TTC32: variants seen among roughly 807,000 people sequenced by gnomAD.
TTC32 encodes the protein tetratricopeptide repeat protein 32.
A neutral mutation model predicts 15.3 loss-of-function variants in TTC32; 16 were observed. The observed-to-expected ratio is 1.05, with a 90% confidence interval of 0.71 to 1.59. The LOEUF is 1.59. Among genes scored for constraint, TTC32 ranks in the 40% most tolerant of loss-of-function variants. The pLI is 0.00. For missense variants in TTC32, 188 were observed against 181.9 expected (o/e 1.03, Z -0.19); for synonymous variants, 89 against 67.8 (o/e 1.31, Z -1.53).
In TTC32 at chr2:19,901,933, C is replaced by G. The variant is rs1669615343; in HGVS notation, c.-79G>C. On this transcript the variant is annotated 5_prime_UTR_variant, in exon 1 of 3. Transcript: ENST00000333610. ...AGAGGTGGCACCACAAAGCCACTTC[C>G]ACACCCTGGAATCTACCTTGACAGC... 1 of 1,557,824 alleles carries G rather than the reference C, an allele frequency of 6.4e-7. No homozygotes were observed. The highest frequency in any genetic ancestry group is 1.7e-5 in the Admixed American group (1 of 57,974).
At chr2:19,901,674 G>A (rs761597976) in intron 1 of TTC32, 32 bp downstream of exon 1, 2 of 1,599,400 alleles carry the variant, frequency 1.3e-6, no homozygotes, top group Non-Finnish European at 1.7e-6. Context: ...TCCACCCGGG[G>A]TCGCCGCGGC....
Position 19,897,930 on chromosome 2 carries a change from T to C in TTC32, c.255A>G (p.Ile85Met), listed in dbSNP as rs768878317. Residue 85 changes from isoleucine to methionine, a missense_variant, in exon 2 of 3, where the codon ATA (isoleucine) becomes ATG (methionine). Physicochemically the swap from Ile to Met is conservative, Grantham distance 10 (BLOSUM62 1). Transcript: ENST00000333610. ...YEAMDDYTSA[I>M]EVQPNFEVPY... The stretch of plus-strand genomic sequence containing the variant: ...GAACTTCAAAATTGGGTTGGACTTC[T>C]ATGGCAGATGTGTAGTCATCCATGG... 13 of 1,612,804 alleles carry C rather than the reference T, an allele frequency of 8.1e-6. No homozygotes were observed. The Admixed American group carries it at 1.8e-4, about 23-fold the overall frequency.
rs112995018 is a variant in TTC32, at chr2:19,901,446, A to T, written c.149+260T>A. 2,053 of 363,870 alleles carry T rather than the reference A, an allele frequency of 5.6e-3. 35 individuals carry two copies. In the African/African-American group the frequency reaches 0.083, roughly 15 times the overall value. 22.5% of individuals were successfully genotyped at this position (363,870 alleles called of 1,614,324 possible). The stretch of plus-strand genomic sequence containing the variant: ...CGGCCCGCGCCCGAGGATCGCGCAG[A>T]GGGCTTGGTTCCCGGAAATCTCTCC... On this transcript the variant is annotated intron_variant, in intron 1 of 2. Coordinates refer to ENST00000333610, the MANE Select transcript of TTC32 (RefSeq NM_001008237.3).
intron 1 of TTC32, among the ~76,000 whole-genome samples, chr2:19,899,664 CA>C (rs893385255): frequency 5.9e-5 from 8 of 135,708 alleles, no homozygotes; most frequent in Admixed American, 7.4e-5. Context: ...CTAACTTTCG[CA>C]AAAAAAAATA....
chr2:19,898,871 A>G (rs1669554313), intron 1 of TTC32, among the ~76,000 whole-genome samples: 1 of 152,230 alleles, frequency 6.6e-6, no homozygotes, highest in African/African-American at 2.4e-5. Flanking sequence ...CACAGAGAAC[A>G]TTAGTGCCTC....
rs151095336 is a variant in TTC32, at chr2:19,898,760, T to C, written c.150-725A>G. 8.6e-4 allele frequency among the ~76,000 whole-genome samples: 131 copies of C among 152,318 alleles called. 1 individual carries two copies. The highest frequency in any genetic ancestry group is 3.1e-3 in the African/African-American group (127 of 41,584). ...CCAAAGAGCTTTAAATTAGCAGCCA[T>C]TCCTGGGCTGTACAGCCAGGTAGCT... On this transcript the variant is annotated intron_variant, in intron 1 of 2. Transcript: ENST00000333610.
In TTC32 at chr2:19,901,762, G is replaced by A. The variant is rs780779278; in HGVS notation, c.93C>T (p.Tyr31=). The change falls in exon 1 of 3, where the codon TAC becomes TAT. Residue 31 remains tyrosine (Y), a synonymous_variant. Coordinates refer to ENST00000333610, the MANE Select transcript of TTC32 (RefSeq NM_001008237.3). The stretch of plus-strand genomic sequence containing the variant: ...AAGCGCACCGGCGAATGTAAGCGGA[G>A]TACAGTGCCTCGGCCTCCGCGTACT... ...NGEYAEAEAL[Y]SAYIRRCACA... is the part of the protein sequence containing the mutation. 7.4e-6 allele frequency: 12 copies of A among 1,614,080 alleles called. No individual in the cohort carries two copies. The South Asian group carries it at 1.3e-4, about 18-fold the overall frequency.
In TTC32 at chr2:19,898,145, T is replaced by C; in HGVS notation, c.150-110A>G. On this transcript the variant is annotated intron_variant, in intron 1 of 2. Coordinates refer to ENST00000333610, the MANE Select transcript of TTC32 (RefSeq NM_001008237.3). ...ACTTCACAGCCTATAACATGCAGCATCAACACTGAAAATCCAAGCTGAAGA... is the reference window on the plus strand; with the variant it reads ...ACTTCACAGCCTATAACATGCAGCACCAACACTGAAAATCCAAGCTGAAGA... 4 of 991,484 alleles carry C rather than the reference T, an allele frequency of 4.0e-6. No individual in the cohort carries two copies. The South Asian group carries it at 7.3e-5, about 18-fold the overall frequency. The allele number at this position is 991,484 out of a possible 1,614,324, so 61.4% of individuals were successfully genotyped here. A position where few individuals can be genotyped will look rare whatever the true frequency, so the allele number is the denominator to read the frequency against.
In TTC32 at chr2:19,897,931, A is replaced by G. The variant is rs373062680; in HGVS notation, c.254T>C (p.Ile85Thr). ...YEAMDDYTSA[I>T]EVQPNFEVPY... ...AACTTCAAAATTGGGTTGGACTTCT[A>G]TGGCAGATGTGTAGTCATCCATGGC... Residue 85 changes from isoleucine (I) to threonine (T), a missense_variant, in exon 2 of 3, where the codon ATA (isoleucine) becomes ACA (threonine). Coordinates refer to ENST00000333610, the MANE Select transcript of TTC32 (RefSeq NM_001008237.3). 1.3e-4 allele frequency: 215 copies of G among 1,612,692 alleles called. No individual in the cohort carries two copies. Among genetic ancestry groups the G allele is most frequent in the Non-Finnish European group, 1.8e-4 (214 of 1,178,986 alleles).
chr2:19,901,744 C>G lies in TTC32; in HGVS notation c.111G>C (p.Arg37=). ...CGTCGCTGGAGGCCGCGCAAGCGCA[C>G]CGGCGAATGTAAGCGGAGTACAGTG... ...AEALYSAYIR[R]CACAASSDES... Residue 37 remains arginine (R), a synonymous_variant, in exon 1 of 3, where the codon CGG becomes CGC. Coordinates refer to ENST00000333610, the MANE Select transcript of TTC32 (RefSeq NM_001008237.3). 1 of 1,613,464 alleles carries G rather than the reference C, an allele frequency of 6.2e-7. No individual in the cohort carries two copies. The highest frequency in any genetic ancestry group is 8.5e-7 in the Non-Finnish European group (1 of 1,179,554).
chr2:19,901,346 G>A, intron 1 of TTC32: 1 of 315,936 alleles, frequency 3.2e-6, no homozygotes, highest in East Asian at 9.3e-5. Flanking sequence ...ATCACGAGTG[G>A]AAAATTCCTA....
rs200879503 is a variant in TTC32 at position 19,901,921 on chromosome 2, C to T, written c.-67G>A. On this transcript the variant is annotated 5_prime_UTR_variant, in exon 1 of 3. It adds an upstream start codon to the 5' untranslated region. Coordinates refer to ENST00000333610, the MANE Select transcript of TTC32 (RefSeq NM_001008237.3). Reference sequence around the variant, plus strand: ...CTCCGAGCGGTTAGAGGTGGCACCACAAAGCCACTTCCACACCCTGGAATC... The same window carrying T: ...CTCCGAGCGGTTAGAGGTGGCACCATAAAGCCACTTCCACACCCTGGAATC... 29 of 1,586,836 alleles carry T rather than the reference C, an allele frequency of 1.8e-5. 1 individual carries two copies. The South Asian group carries it at 3.2e-4, about 17-fold the overall frequency.
At chr2:19,898,145 T>A (rs1205829263) in intron 1 of TTC32, 110 bp from the exon 2 acceptor site, 1 of 991,366 alleles carries the variant, frequency 1.0e-6, no homozygotes, top group Non-Finnish European at 1.4e-6. Flanking sequence ...ACATGCAGCA[T>A]CAACACTGAA....
intron 1 of TTC32, 143 bp downstream of exon 1, chr2:19,901,563 A>G: frequency 8.4e-7 from 1 of 1,190,678 alleles, no homozygotes; most frequent in Non-Finnish European, 1.1e-6. Flanking sequence ...CTTTCTAGAA[A>G]GACGAACGTC....
chr2:19,899,428 T>C (rs189387733), intron 1 of TTC32, among the ~76,000 whole-genome samples: 1 of 152,168 alleles, frequency 6.6e-6, no homozygotes, highest in Non-Finnish European at 1.5e-5. Flanking sequence ...ATACTAATTA[T>C]ATATTCGTAA....
chr2:19,897,769 C>G, intron 2 of TTC32, 100 bp downstream of exon 2: 1 of 1,033,972 alleles, frequency 9.7e-7, no homozygotes, highest in Non-Finnish European at 1.3e-6. Context: ...TTTCACAGAA[C>G]TTTAAAATTT....
rs1441234914 is a variant in TTC32 at position 19,901,720 on chromosome 2, G to A, written c.135C>T (p.Asp45=). 1 of 1,612,592 alleles carries A rather than the reference G, an allele frequency of 6.2e-7. No homozygotes were observed. Among genetic ancestry groups the A allele is most frequent in the African/African-American group, 1.3e-5 (1 of 74,930 alleles). Residue 45 remains aspartate (D), a synonymous_variant, in exon 1 of 3, where the codon GAC becomes GAT. Transcript: ENST00000333610. Reference sequence around the variant, plus strand: ...GCGATAGTTACCTCCCGGGACTCTCGTCGCTGGAGGCCGCGCAAGCGCACC... The same window carrying A: ...GCGATAGTTACCTCCCGGGACTCTCATCGCTGGAGGCCGCGCAAGCGCACC... The part of the protein sequence containing the change: ...IRRCACAASS[D]ESPGSKCSPE...
At chr2:19,901,616 G>T in intron 1 of TTC32, 90 bp downstream of exon 1, 2 of 1,497,292 alleles carry the variant, frequency 1.3e-6, no homozygotes, top group Non-Finnish European at 1.8e-6. Flanking sequence ...AGCGCCGACC[G>T]TGAGCTCCAG....
chr2:19,900,880 G>C (rs761205877), intron 1 of TTC32: 44 of 322,316 alleles, frequency 1.4e-4, no homozygotes, highest in Non-Finnish European at 1.3e-5. Flanking sequence ...AAGAGATTCA[G>C]TCAGCAAGTC....
Sources: allele counts gnomAD v4.1 joint callset (sites outside exome capture counted in the v4.1 genomes callset), GRCh38; gene constraint gnomAD v4.1.1; transcripts MANE v1.5; gene names NCBI Gene and HGNC (gene_info 2026-07-23, HGNC 2026-07-21).